The following PLXNC1 variants were observed in gnomAD, a reference collection of about 807,000 sequenced individuals.
PLXNC1 encodes plexin C1, also known as plexin-C1.
Under a neutral mutation model 178.2 loss-of-function variants are expected in PLXNC1, and 75 were observed. The observed-to-expected ratio is 0.42, with a 90% confidence interval of 0.35 to 0.51. The LOEUF (loss-of-function observed/expected upper bound fraction) is 0.51, where lower values mean the gene tolerates loss of function less well. Ranked by LOEUF, PLXNC1 falls within the 20% of genes least tolerant of loss-of-function variation. PLXNC1 has a pLI of 0.02. For synonymous variants in PLXNC1, 790 were observed against 779.9 expected (o/e 1.01, Z -0.22); for missense variants, 1,503 against 1,984.4 (o/e 0.76, Z 4.61).
rs1305622497 is a variant in PLXNC1 at position 94,149,748 on chromosome 12, C to T, written c.777C>T (p.Thr259=). The part of the protein sequence containing the change: ...YPYNYTSGAA[T]GWPSMARIAQ... Reference sequence around the variant, plus strand: ...ACAACTACACGAGCGGCGCTGCCACCGGCTGGCCCAGCATGGCGCGCATCG... The same window carrying T: ...ACAACTACACGAGCGGCGCTGCCACTGGCTGGCCCAGCATGGCGCGCATCG... The change falls in exon 1 of 31, where the codon ACC becomes ACT. Residue 259 remains threonine, a synonymous_variant. Coordinates refer to ENST00000258526, the MANE Select transcript of PLXNC1 (RefSeq NM_005761.3). The T allele has an allele frequency of 6.2e-6, 10 of 1,610,662 alleles. No individual in the cohort carries two copies. The highest frequency in any genetic ancestry group is 2.7e-5 in the African/African-American group (2 of 74,866).
intron 3 of PLXNC1, among the ~76,000 whole-genome samples, chr12:94,181,941 C>T (rs927919377): frequency 6.6e-6 from 1 of 152,052 alleles, no homozygotes; most frequent in Non-Finnish European, 1.5e-5. Flanking sequence ...ATGGGACTGG[C>T]TTTGGAATTT....
At chr12:94,213,358 G>A (rs1383776706) in intron 5 of PLXNC1, among the ~76,000 whole-genome samples, 2 of 152,196 alleles carry the variant, frequency 1.3e-5, no homozygotes, top group African/African-American at 4.8e-5. Flanking sequence ...ACTGGTGTGA[G>A]ATGGTATCTC....
rs183302496 is a variant in PLXNC1 at position 94,177,174 on chromosome 12, T to C, written c.1204-4272T>C. 4.1e-3 allele frequency among the ~76,000 whole-genome samples: 230 copies of C among 56,364 alleles called. 2 individuals carry two copies. The highest frequency in any genetic ancestry group is 0.026 in the Middle Eastern group (4 of 156). The allele number at this position is 56,364 out of a possible 152,430, so 37.0% of individuals were successfully genotyped here. A position where few individuals can be genotyped will look rare whatever the true frequency, so the allele number is the denominator to read the frequency against. Reference sequence around the variant, plus strand: ...GTATATATATATGTATATATATATATACGTATATATATGTATATATATATA... The same window carrying C: ...GTATATATATATGTATATATATATACACGTATATATATGTATATATATATA... On this transcript the variant is annotated intron_variant, in intron 2 of 30. Transcript: ENST00000258526.
intron 21 of PLXNC1, among the ~76,000 whole-genome samples, chr12:94,273,546 C>A (rs1965716503): frequency 6.6e-6 from 1 of 152,168 alleles, no homozygotes; most frequent in Non-Finnish European, 1.5e-5. Context: ...TGAAAACCCC[C>A]TGCCGACCTA....
intron 3 of PLXNC1, among the ~76,000 whole-genome samples, chr12:94,184,620 C>A (rs940799149): frequency 1.4e-4 from 21 of 151,332 alleles, no homozygotes; most frequent in African/African-American, 5.1e-4. Context: ...ACAGAGTTGG[C>A]CAGACTGGTC....
chr12:94,156,018 A>G (rs962280003), intron 1 of PLXNC1, among the ~76,000 whole-genome samples: 10 of 152,226 alleles, frequency 6.6e-5, no homozygotes, highest in African/African-American at 1.2e-4. Context: ...AACCAGGTCA[A>G]TTGGGACCAA....
chr12:94,241,682 A>G (rs1044354341), intron 11 of PLXNC1, among the ~76,000 whole-genome samples: 1 of 152,154 alleles, frequency 6.6e-6, no homozygotes, highest in African/African-American at 2.4e-5. Context: ...GTTGTTGCAA[A>G]TGACAGGATC....
intron 4 of PLXNC1, among the ~76,000 whole-genome samples, chr12:94,206,025 T>G (rs1963288094): frequency 6.6e-6 from 1 of 152,224 alleles, no homozygotes; most frequent in African/African-American, 2.4e-5. Context: ...GAGGTTGTTG[T>G]GAGAACTAAC....
chr12:94,304,243 A>C, intron 30 of PLXNC1, 192 bp downstream of exon 30: 1 of 483,432 alleles, frequency 2.1e-6, no homozygotes, highest in South Asian at 3.3e-5. Context: ...CAGTTTTATC[A>C]TGCTGCCCAC....
At chr12:94,214,395 T>C (rs1185441814) in intron 5 of PLXNC1, among the ~76,000 whole-genome samples, 2 of 152,162 alleles carry the variant, frequency 1.3e-5, no homozygotes, top group Admixed American at 6.5e-5. Flanking sequence ...CCTAGAAACA[T>C]TCTTTTACAA....
chr12:94,290,015 CT>C (rs201889317), intron 23 of PLXNC1, among the ~76,000 whole-genome samples: 1,833 of 152,314 alleles, frequency 0.012, 20 homozygotes, highest in Non-Finnish European at 0.02. Flanking sequence ...GACATTTGAA[CT>C]TTTGGCAGCG....
chr12:94,290,018 T>C (rs1217957642), intron 23 of PLXNC1, among the ~76,000 whole-genome samples: 1 of 152,248 alleles, frequency 6.6e-6, no homozygotes, highest in Non-Finnish European at 1.5e-5. Context: ...ATTTGAACTT[T>C]TGGCAGCGTT....
Position 94,251,417 on chromosome 12 carries a change from T to C in PLXNC1, c.2779-9T>C. On this transcript the variant is annotated splice_polypyrimidine_tract_variant and intron_variant, in intron 14 of 30. Transcript: ENST00000258526. ...CAATTGGGTCTAATGACATTCTTTG[T>C]CCCATCAGGTCAAGCTGGGAAACCT... 6.5e-7 allele frequency: 1 copy of C among 1,543,680 alleles called. No homozygotes were observed.
intron 9 of PLXNC1, among the ~76,000 whole-genome samples, chr12:94,235,762 A>C (rs552915125): frequency 2.6e-5 from 4 of 152,222 alleles, no homozygotes; most frequent in Non-Finnish European, 5.9e-5. Context: ...TTTGAATTTC[A>C]TGTGTTTTTA....
At chr12:94,289,882 A>T (rs933678301) in intron 23 of PLXNC1, among the ~76,000 whole-genome samples, 1 of 152,152 alleles carries the variant, frequency 6.6e-6, no homozygotes, top group South Asian at 2.1e-4. Context: ...CACTAATAAA[A>T]TGTTTCTACA....
At position 94,264,530 on chromosome 12, in the gene PLXNC1, A is replaced by G. The variant is rs540983531; in HGVS notation, c.3451-549A>G. Among the ~76,000 whole-genome samples the G allele has an allele frequency of 4.5e-3, 682 of 152,252 alleles. 16 individuals carry two copies. The highest frequency in any genetic ancestry group is 1.5e-3 in the Non-Finnish European group (101 of 68,024). On this transcript the variant is annotated intron_variant, in intron 20 of 30. Coordinates refer to ENST00000258526, the MANE Select transcript of PLXNC1 (RefSeq NM_005761.3). Reference sequence around the variant, plus strand: ...GGGCCGGGCCTGGCCTGGCCCATGGAGAGGAGATAAGGCTGCAAACTGTTG... The same window carrying G: ...GGGCCGGGCCTGGCCTGGCCCATGGGGAGGAGATAAGGCTGCAAACTGTTG...
intron 4 of PLXNC1, among the ~76,000 whole-genome samples, chr12:94,194,852 A>G (rs1186898276): frequency 6.6e-6 from 1 of 152,182 alleles, no homozygotes; most frequent in Non-Finnish European, 1.5e-5. Flanking sequence ...CCTGGTAGGC[A>G]ACGAAGTTGT....
intron 28 of PLXNC1, among the ~76,000 whole-genome samples, chr12:94,302,572 T>G (rs1593018261): frequency 6.6e-6 from 1 of 152,312 alleles, no homozygotes; most frequent in South Asian, 2.1e-4. Flanking sequence ...AAACAGTTGT[T>G]TATGAATTAT....
chr12:94,226,120 A>G lies in PLXNC1; in HGVS notation c.1791-485A>G, dbSNP rs147863493. Among the ~76,000 whole-genome samples the G allele has an allele frequency of 8.6e-4, 131 of 152,276 alleles. 1 individual carries two copies. Among genetic ancestry groups the G allele is most frequent in the African/African-American group, 3.0e-3 (125 of 41,552 alleles). On this transcript the variant is annotated intron_variant, in intron 7 of 30. Coordinates refer to ENST00000258526, the MANE Select transcript of PLXNC1 (RefSeq NM_005761.3). ...ATTAGTAGAAACACAATTCTTCCTTAATTTGATTATAAAGCAAACACAGGC... is the reference window on the plus strand; with the variant it reads ...ATTAGTAGAAACACAATTCTTCCTTGATTTGATTATAAAGCAAACACAGGC...
Sources: gnomAD v4.1 joint callset for allele counts (sites outside exome capture counted in the v4.1 genomes callset) on GRCh38, gnomAD v4.1.1 for gene constraint, MANE v1.5 for transcripts, NCBI Gene and HGNC (gene_info 2026-07-23, HGNC 2026-07-21) for gene names.